Variants in CD80 observed in about 807,000 individuals in gnomAD.
CD80 encodes T-lymphocyte activation antigen CD80.
CD80 carries 13 observed loss-of-function variants against 27.1 expected under a neutral mutation model. That is an observed-to-expected ratio of 0.48 (90% CI 0.31 to 0.76). CD80 has a LOEUF of 0.76. Ranked by LOEUF, CD80 falls within the 30% of genes least tolerant of loss-of-function variation. CD80 has a pLI of 0.04. For synonymous variants in CD80, 125 were observed against 125.5 expected, an observed-to-expected ratio of 1.00 and a Z score of 0.03; for missense variants, 277 against 347.9, an observed-to-expected ratio of 0.80 and a Z score of 1.62.
intron 4 of CD80, among the ~76,000 whole-genome samples, chr3:119,535,028 C>T (rs977649888): frequency 2.0e-5 from 3 of 152,030 alleles, no homozygotes; most frequent in Non-Finnish European, 4.4e-5. Context: ...TCCATCTCTA[C>T]TAAAAATACA....
At chr3:119,535,858 A>G (rs2082135186) in intron 4 of CD80, among the ~76,000 whole-genome samples, 1 of 152,206 alleles carries the variant, frequency 6.6e-6, no homozygotes, top group Non-Finnish European at 1.5e-5. Flanking sequence ...CAAAGGGCAA[A>G]TTTTAATGCT....
chr3:119,557,996 G>A (rs1211791712), intron 1 of CD80, 68 bp from the exon 2 acceptor site: 7 of 276,602 alleles, frequency 2.5e-5, no homozygotes, highest in East Asian at 6.6e-5. Flanking sequence ...CAAAACTCTC[G>A]AGTTGCCTGC....
At chr3:119,554,658 G>A (rs1420388633) in intron 2 of CD80, among the ~76,000 whole-genome samples, 4 of 152,176 alleles carry the variant, frequency 2.6e-5, no homozygotes, top group Non-Finnish European at 5.9e-5. Context: ...GGTGTGGCAG[G>A]AGAGGAAGGC....
At chr3:119,559,012 G>A (rs2082278927) in intron 1 of CD80, among the ~76,000 whole-genome samples, 1 of 152,058 alleles carries the variant, frequency 6.6e-6, no homozygotes, top group Non-Finnish European at 1.5e-5. Flanking sequence ...ATTTTAGACA[G>A]GATTAGTTAA....
chr3:119,528,808 C>G (rs1361959070), intron 5 of CD80, among the ~76,000 whole-genome samples: 1 of 149,792 alleles, frequency 6.7e-6, no homozygotes, highest in Non-Finnish European at 1.5e-5. Flanking sequence ...CACCTGTAGT[C>G]CCAGCTACTC....
intron 4 of CD80, among the ~76,000 whole-genome samples, chr3:119,535,706 A>G (rs1220905611): frequency 6.6e-6 from 1 of 151,972 alleles, no homozygotes; most frequent in Non-Finnish European, 1.5e-5. Context: ...GGAGTTTGTC[A>G]CTCACCTTTC....
intron 2 of CD80, among the ~76,000 whole-genome samples, chr3:119,552,553 G>A (rs937784218): frequency 6.7e-6 from 1 of 148,632 alleles, no homozygotes; most frequent in African/African-American, 2.5e-5. Context: ...CCTCTCAAGG[G>A]CTCAATCTAG....
chr3:119,536,808 A>C (rs148703180), intron 4 of CD80, among the ~76,000 whole-genome samples: 50 of 152,352 alleles, frequency 3.3e-4, no homozygotes, highest in Admixed American at 4.6e-4. Context: ...TAGTCCCATA[A>C]AATTATAATA....
intron 2 of CD80, among the ~76,000 whole-genome samples, chr3:119,556,711 G>A (rs1693658433): frequency 6.6e-6 from 1 of 152,172 alleles, no homozygotes; most frequent in Non-Finnish European, 1.5e-5. Flanking sequence ...CTTTATGTGA[G>A]AAGTTTTTAA....
intron 3 of CD80, among the ~76,000 whole-genome samples, chr3:119,544,096 C>T (rs1158395973): frequency 1.3e-5 from 2 of 152,040 alleles, no homozygotes; most frequent in African/African-American, 4.8e-5. Context: ...CTATGTTGGC[C>T]AGGCTGGTCT....
chr3:119,546,685 G>A (rs1001364509), intron 2 of CD80, among the ~76,000 whole-genome samples: 1 of 152,084 alleles, frequency 6.6e-6, no homozygotes, highest in Non-Finnish European at 1.5e-5. Context: ...ACTTGATTAG[G>A]TAATTTTCAG....
chr3:119,553,287 G>A lies in CD80; in HGVS notation c.100+4342C>T, dbSNP rs185844646. On this transcript the variant is annotated intron_variant, in intron 2 of 6. Transcript: ENST00000264246. ...CCTGAGTAGCTAGGATTAAAGGCAC[G>A]GGCCACCTTGTGTGGTTAATTTTTG... 9.9e-5 allele frequency among the ~76,000 whole-genome samples: 15 copies of A among 151,738 alleles called. No homozygotes were observed. In the East Asian group the frequency reaches 2.3e-3, roughly 24 times the overall value.
intron 4 of CD80, among the ~76,000 whole-genome samples, chr3:119,530,746 A>G (rs1006230343): frequency 6.6e-6 from 1 of 152,262 alleles, no homozygotes; most frequent in African/African-American, 2.4e-5. Flanking sequence ...AGGGACACAA[A>G]TTATAGCAGC....
chr3:119,554,284 C>T (rs1320261042), intron 2 of CD80, among the ~76,000 whole-genome samples: 2 of 152,146 alleles, frequency 1.3e-5, no homozygotes, highest in African/African-American at 4.8e-5. Flanking sequence ...TTGGGGTATT[C>T]TCTTTTCTCC....
At chr3:119,556,837 T>C (rs921861460) in intron 2 of CD80, among the ~76,000 whole-genome samples, 2 of 152,012 alleles carry the variant, frequency 1.3e-5, no homozygotes, top group Non-Finnish European at 2.9e-5. Context: ...AGATCTTTTG[T>C]TTTCTGACTT....
intron 2 of CD80, 28 bp from the exon 3 acceptor site, chr3:119,544,895 GTA>G: frequency 6.3e-7 from 1 of 1,575,932 alleles, no homozygotes; most frequent in Non-Finnish European, 8.7e-7. Flanking sequence ...GAACAAGATT[GTA>G]TATTTATTAA....
At chr3:119,538,433 C>A (rs2082150917) in intron 3 of CD80, among the ~76,000 whole-genome samples, 1 of 152,208 alleles carries the variant, frequency 6.6e-6, no homozygotes, top group African/African-American at 2.4e-5. Flanking sequence ...AAAACACTGA[C>A]AGTAACTTAG....
chr3:119,555,393 T>A (rs2082258791), intron 2 of CD80, among the ~76,000 whole-genome samples: 1 of 152,190 alleles, frequency 6.6e-6, no homozygotes, highest in African/African-American at 2.4e-5. Flanking sequence ...TCTAAAAAAT[T>A]CCCTGTGCTA....
chr3:119,530,964 A>G (rs574970537), intron 4 of CD80, among the ~76,000 whole-genome samples: 1 of 152,362 alleles, frequency 6.6e-6, no homozygotes, highest in East Asian at 1.9e-4. Flanking sequence ...AATATACAGT[A>G]CTCAATGCTG....
Sources: gnomAD v4.1 joint callset for allele counts (sites outside exome capture counted in the v4.1 genomes callset) on GRCh38, gnomAD v4.1.1 for gene constraint, MANE v1.5 for transcripts, NCBI Gene and HGNC (gene_info 2026-07-23, HGNC 2026-07-21) for gene names.